The following ZC3H7A variants were observed in gnomAD, a reference collection of about 807,000 sequenced individuals.
ZC3H7A encodes zinc finger CCCH-type containing 7A, also known as zinc finger CCCH domain-containing protein 7A.
A neutral mutation model predicts 125.5 loss-of-function variants in ZC3H7A; 44 were observed. That is an observed-to-expected ratio of 0.35 (90% CI 0.28 to 0.45). The LOEUF is 0.45. Ranked by LOEUF, ZC3H7A falls within the 20% of genes least tolerant of loss-of-function variation. The pLI is 1.00. For missense variants in ZC3H7A, 977 were observed against 1,170.7 expected (o/e 0.83, Z 2.41); for synonymous variants, 399 against 391.2 (o/e 1.02, Z -0.23).
At chr16:11,777,996 G>T (rs11643845) in intron 4 of ZC3H7A, among the ~76,000 whole-genome samples, 12,611 of 147,908 alleles carry the variant, frequency 0.085, 658 homozygotes, top group Middle Eastern at 0.15. Context: ...TCCAGCCTGG[G>T]CAACAAGAGT....
chr16:11,784,942 T>A (rs2141213530), intron 1 of ZC3H7A, among the ~76,000 whole-genome samples: 1 of 150,962 alleles, frequency 6.6e-6, no homozygotes, highest in East Asian at 2.0e-4. Flanking sequence ...GCAGATCACC[T>A]GAGGTCAGGA....
At chr16:11,767,905 A>G (rs532237678) in intron 12 of ZC3H7A, among the ~76,000 whole-genome samples, 1 of 152,324 alleles carries the variant, frequency 6.6e-6, no homozygotes, top group East Asian at 1.9e-4. Flanking sequence ...AACGGTAAAC[A>G]TATGAAACAA....
At chr16:11,762,383 AC>A (rs1439626300) in intron 17 of ZC3H7A, among the ~76,000 whole-genome samples, 1 of 152,024 alleles carries the variant, frequency 6.6e-6, no homozygotes, top group Non-Finnish European at 1.5e-5. Context: ...AAATAATCTA[AC>A]CCCCTTACTC....
intron 16 of ZC3H7A, 93 bp from the exon 17 acceptor site, chr16:11,762,840 C>G (rs1457172011): frequency 8.6e-7 from 1 of 1,165,906 alleles, no homozygotes; most frequent in South Asian, 1.3e-5. Flanking sequence ...CCTTCAGCTT[C>G]CAATCTATTC....
intron 13 of ZC3H7A, among the ~76,000 whole-genome samples, chr16:11,766,433 C>A (rs920149195): frequency 4.6e-5 from 7 of 152,250 alleles, no homozygotes; most frequent in African/African-American, 1.7e-4. Flanking sequence ...GGCAGGGCGG[C>A]ACACGCCTGT....
intron 20 of ZC3H7A, 78 bp downstream of exon 20, chr16:11,758,353 G>A (rs2052687867): frequency 2.8e-6 from 3 of 1,061,812 alleles, no homozygotes; most frequent in South Asian, 2.6e-5. Flanking sequence ...TGTGTTCACA[G>A]GAAGCTGGCA....
At chr16:11,766,844 C>CT (rs1245469888) in intron 13 of ZC3H7A, among the ~76,000 whole-genome samples, 1 of 152,118 alleles carries the variant, frequency 6.6e-6, no homozygotes, top group Admixed American at 6.5e-5. Context: ...GATTGCGCCA[C>CT]TACACTCCAG....
chr16:11,770,244 A>G (rs1167981001), intron 10 of ZC3H7A, among the ~76,000 whole-genome samples: 1 of 152,128 alleles, frequency 6.6e-6, no homozygotes, highest in Non-Finnish European at 1.5e-5. Flanking sequence ...TTTTCTAGTG[A>G]TTGTTTGAAG....
At chr16:11,769,710 CAAAAAAAA>C (rs529124830) in intron 10 of ZC3H7A, among the ~76,000 whole-genome samples, 1 of 32,558 alleles carries the variant, frequency 3.1e-5, no homozygotes, top group Non-Finnish European at 4.8e-5. Flanking sequence ...GACTCTGTCT[CAAAAAAAA>C]AAAAAAAAAA....
At chr16:11,778,500 T>G (rs1181429425) in intron 4 of ZC3H7A, among the ~76,000 whole-genome samples, 1 of 146,240 alleles carries the variant, frequency 6.8e-6, no homozygotes. Flanking sequence ...TTTTACAAGA[T>G]CAACTGGATC....
chr16:11,763,712 TA>T (rs1374360865), intron 15 of ZC3H7A, 53 bp from the exon 16 acceptor site: 3 of 1,716 alleles, frequency 1.7e-3, no homozygotes, highest in South Asian at 0.033. Flanking sequence ...ATTTTTCAAA[TA>T]TATATATATA....
chr16:11,755,741 T>C (rs537560982), intron 21 of ZC3H7A, among the ~76,000 whole-genome samples: 43 of 152,176 alleles, frequency 2.8e-4, no homozygotes, highest in African/African-American at 9.9e-4. Context: ...GTCAGAAGGA[T>C]TGAAGAAAGG....
chr16:11,769,637 A>G (rs942990742), intron 10 of ZC3H7A, among the ~76,000 whole-genome samples: 10 of 135,992 alleles, frequency 7.4e-5, no homozygotes, highest in African/African-American at 2.9e-4. Context: ...CTTGAACCCA[A>G]GAGGCAGAGG....
In ZC3H7A at chr16:11,774,471, G is replaced by A; in HGVS notation, c.668C>T (p.Ala223Val). The part of the protein sequence containing the change: ...QEAVPVVSLP[A>V]PSFSHEVGSE... ...TCCAACTTCATGAGAAAAACTGGGT[G>A]CCGGTAAAGAGACAACAGGAACTGC... Residue 223 changes from alanine (A) to valine (V), a missense_variant, in exon 9 of 23, where the codon GCA becomes GTA. Coordinates refer to ENST00000355758, the MANE Select transcript of ZC3H7A (RefSeq NM_014153.4). The A allele has an allele frequency of 6.3e-7, 1 of 1,584,708 alleles. No homozygotes were observed. The highest frequency in any genetic ancestry group is 2.3e-5 in the East Asian group (1 of 44,210).
Position 11,781,415 on chromosome 16 carries a change from G to C in ZC3H7A, c.108+10C>G. ...CAGAGCTTTCAAGCAGACCTTCCCG[G>C]AGTCATTACCGCATATTGCTCCTGT... On this transcript the variant is annotated intron_variant, in intron 3 of 22. Transcript: ENST00000355758. 6.2e-7 allele frequency: 1 copy of C among 1,600,568 alleles called. No individual in the cohort carries two copies. The highest frequency in any genetic ancestry group is 8.5e-7 in the Non-Finnish European group (1 of 1,170,750).
At chr16:11,760,122 GAA>G (rs66812605) in intron 19 of ZC3H7A, among the ~76,000 whole-genome samples, 1,123 of 82,424 alleles carry the variant, frequency 0.014, 4 homozygotes, top group Middle Eastern at 0.067. Context: ...AAGAAAAAAT[GAA>G]AAAAAAAAAA....
chr16:11,767,320 T>C (rs920680076), intron 13 of ZC3H7A, 97 bp downstream of exon 13: 11 of 1,016,566 alleles, frequency 1.1e-5, no homozygotes, highest in African/African-American at 4.0e-5. Context: ...GTTCCCCTAA[T>C]GATGCATTTC....
chr16:11,769,710 C>CAAA (rs529124830), intron 10 of ZC3H7A, among the ~76,000 whole-genome samples: 3,482 of 32,416 alleles, frequency 0.11, 385 homozygotes, highest in South Asian at 0.32. Flanking sequence ...GACTCTGTCT[C>CAAA]AAAAAAAAAA....
intron 8 of ZC3H7A, among the ~76,000 whole-genome samples, chr16:11,774,748 C>T (rs2053050986): frequency 6.6e-6 from 1 of 152,174 alleles, no homozygotes; most frequent in South Asian, 2.1e-4. Context: ...CAGACAGTGG[C>T]AAGGCCACAG....
Sources: gnomAD v4.1 joint callset for allele counts (sites outside exome capture counted in the v4.1 genomes callset) on GRCh38, gnomAD v4.1.1 for gene constraint, MANE v1.5 for transcripts, NCBI Gene and HGNC (gene_info 2026-07-23, HGNC 2026-07-21) for gene names.